Variants in BLNK observed in about 807,000 individuals in gnomAD.
BLNK encodes the protein B-cell linker protein.
Under a neutral mutation model 73.5 loss-of-function variants are expected in BLNK, and 29 were observed. The ratio of observed to expected loss-of-function variants is 0.39; its 90% CI spans 0.29 to 0.54. The LOEUF (loss-of-function observed/expected upper bound fraction) is 0.54. BLNK is among the 20% of genes least tolerant of loss of function. BLNK has a pLI of 0.61. For missense variants in BLNK, 460 were observed against 562.8 expected, an observed-to-expected ratio of 0.82 and a Z score of 1.85; for synonymous variants, 176 against 200.8, an observed-to-expected ratio of 0.88 and a Z score of 1.04.
chr10:96,271,358 T>C lies in BLNK; in HGVS notation c.41A>G (p.Lys14Arg). ...LNKITVPASQ[K>R]LRQLQKMVHD... ...TGGGTGGGGAAAATCTTACCTCAAC[T>C]TCTGACTGGCGGGGACGGTTATTTT... The change falls in exon 1 of 17, where the codon AAG becomes AGG. Residue 14 changes from lysine to arginine, a missense_variant. Lys to Arg is a conservative substitution (Grantham distance 26). Coordinates refer to ENST00000224337, the MANE Select transcript of BLNK (RefSeq NM_013314.4). 1 of 1,614,170 alleles carries C rather than the reference T, an allele frequency of 6.2e-7. No homozygotes were observed. Among genetic ancestry groups the C allele is most frequent in the Non-Finnish European group, 8.5e-7 (1 of 1,180,000 alleles).
intron 1 of BLNK, 43 bp downstream of exon 1, chr10:96,271,309 A>G (rs782660476): frequency 4.7e-5 from 76 of 1,603,142 alleles, no homozygotes; most frequent in African/African-American, 2.4e-4. Flanking sequence ...ACTGGGGGGA[A>G]AAAAAGGAGA....
At chr10:96,264,484 G>C (rs1554913754) in intron 1 of BLNK, among the ~76,000 whole-genome samples, 2 of 152,074 alleles carry the variant, frequency 1.3e-5, no homozygotes, top group African/African-American at 2.4e-5. Context: ...CAGGACCCTG[G>C]GTCCTTCACA....
At chr10:96,215,496 AC>A in intron 7 of BLNK, 107 bp from the exon 8 acceptor site, 1 of 1,057,632 alleles carries the variant, frequency 9.5e-7, no homozygotes, top group Non-Finnish European at 1.4e-6. Flanking sequence ...TGATGACCAG[AC>A]CAGAGAATTT....
chr10:96,217,358 C>G (rs1457567254), intron 6 of BLNK, among the ~76,000 whole-genome samples: 3 of 152,156 alleles, frequency 2.0e-5, no homozygotes, highest in African/African-American at 7.2e-5. Context: ...TATGGTAGCT[C>G]TAAGTTTAAC....
At chr10:96,208,337 G>A (rs1271747845) in intron 9 of BLNK, among the ~76,000 whole-genome samples, 1 of 152,164 alleles carries the variant, frequency 6.6e-6, no homozygotes, top group African/African-American at 2.4e-5. Flanking sequence ...GTAGAGGTAA[G>A]AGGGTGGTCC....
At chr10:96,241,668 G>A (rs1237451456) in intron 3 of BLNK, among the ~76,000 whole-genome samples, 2 of 151,880 alleles carry the variant, frequency 1.3e-5, no homozygotes, top group South Asian at 2.1e-4. Flanking sequence ...CATTAGTGCT[G>A]CTGTGGAATT....
intron 3 of BLNK, 37 bp from the exon 4 acceptor site, chr10:96,230,871 G>A: frequency 6.2e-7 from 1 of 1,605,408 alleles, no homozygotes; most frequent in Non-Finnish European, 8.5e-7. Context: ...GCACAAGTGT[G>A]AGCCTCAGCT....
intron 1 of BLNK, among the ~76,000 whole-genome samples, chr10:96,262,841 T>A (rs531944564): frequency 4.6e-5 from 7 of 152,370 alleles, no homozygotes; most frequent in South Asian, 4.1e-4. Context: ...ACTGCTTTTT[T>A]AATTTTAAAA....
intron 1 of BLNK, among the ~76,000 whole-genome samples, chr10:96,261,222 T>A (rs1554912739): frequency 6.6e-6 from 1 of 152,216 alleles, no homozygotes; most frequent in Non-Finnish European, 1.5e-5. Context: ...TATAGGAAAT[T>A]GTTTAATTAT....
chr10:96,199,697 G>T (rs1466294525), intron 15 of BLNK, among the ~76,000 whole-genome samples: 1 of 152,160 alleles, frequency 6.6e-6, no homozygotes, highest in East Asian at 1.9e-4. Context: ...GTCTATTACA[G>T]GCTGAGGGCA....
At chr10:96,237,501 G>A (rs72811034) in intron 3 of BLNK, among the ~76,000 whole-genome samples, 29,612 of 152,098 alleles carry the variant, frequency 0.19, 3,641 homozygotes, top group Non-Finnish European at 0.28. Flanking sequence ...GCCCAAGAGT[G>A]CAAGAGAGGG....
intron 1 of BLNK, among the ~76,000 whole-genome samples, chr10:96,257,268 G>A (rs2134124742): frequency 6.6e-6 from 1 of 152,310 alleles, no homozygotes; most frequent in East Asian, 1.9e-4. Flanking sequence ...GCTTCCTGCT[G>A]GAAGCCCTTG....
intron 1 of BLNK, among the ~76,000 whole-genome samples, chr10:96,253,753 C>T (rs575153049): frequency 2.6e-5 from 4 of 152,052 alleles, no homozygotes; most frequent in Admixed American, 6.5e-5. Context: ...CGATGGCTCA[C>T]GCCTGTAATC....
Position 96,197,081 on chromosome 10 carries a change from A to G in BLNK, c.1096-18T>C. The G allele has an allele frequency of 6.3e-7, 1 of 1,599,946 alleles. No individual in the cohort carries two copies. Among genetic ancestry groups the G allele is most frequent in the Non-Finnish European group, 8.5e-7 (1 of 1,171,984 alleles). On this transcript the variant is annotated intron_variant, in intron 15 of 16. Transcript: ENST00000224337. ...GATCCATCCTGTTTAATTTTTTTTA[A>G]AAAACATAATTATGGTTAGTATTAC...
At position 96,215,325 on chromosome 10, in the gene BLNK, A is replaced by T; in HGVS notation, c.672T>A (p.Ala224=). Residue 224 remains alanine (A), a synonymous_variant, in exon 8 of 17, where the codon GCT becomes GCA. Transcript: ENST00000224337. Reference sequence around the variant, plus strand: ...CAAATCACACATACACTTTACCTGAAGCTGTTCCTGGAGGAGAGGCGGGCG... The same window carrying T: ...CAAATCACACATACACTTTACCTGATGCTGTTCCTGGAGGAGAGGCGGGCG... ...SSTPASPPGT[A]SGRNSGAWET... The T allele has an allele frequency of 6.2e-7, 1 of 1,614,010 alleles. No individual in the cohort carries two copies. The highest frequency in any genetic ancestry group is 8.5e-7 in the Non-Finnish European group (1 of 1,179,912).
At chr10:96,248,545 C>T (rs12246220) in intron 1 of BLNK, among the ~76,000 whole-genome samples, 3,152 of 152,226 alleles carry the variant, frequency 0.021, 94 homozygotes, top group African/African-American at 0.063. Context: ...AGATTTAAAA[C>T]GTCCATGACT....
chr10:96,255,657 G>A (rs10882763), intron 1 of BLNK, among the ~76,000 whole-genome samples: 118 of 152,056 alleles, frequency 7.8e-4, no homozygotes, highest in African/African-American at 2.7e-3. Flanking sequence ...TTCATCCCCC[G>A]CATCTTAACC....
At position 96,269,890 on chromosome 10, in the gene BLNK, C is replaced by T. The variant is rs74863961; in HGVS notation, c.47+1462G>A. Among the ~76,000 whole-genome samples, 3 of 152,288 alleles carry T rather than the reference C, an allele frequency of 2.0e-5. No homozygotes were observed. In the East Asian group the frequency reaches 5.8e-4, roughly 29 times the overall value. ...GTGACAGCCTCTGTATTTCCTCCCT[C>T]CCAGCACATAACATGTTTCCTCCAA... On this transcript the variant is annotated intron_variant, in intron 1 of 16. Transcript: ENST00000224337.
rs140639724 is a variant in BLNK, at chr10:96,209,036, C to T, written c.746+802G>A. On this transcript the variant is annotated intron_variant, in intron 9 of 16. Coordinates refer to ENST00000224337, the MANE Select transcript of BLNK (RefSeq NM_013314.4). ...AACCTGTTGAGCCAACATAATTTTA[C>T]GGGGTGACGTTTGTAATATTAACAC... Among the ~76,000 whole-genome samples the T allele has an allele frequency of 4.6e-5, 7 of 152,286 alleles. No homozygotes were observed. The East Asian group carries it at 7.7e-4, about 17-fold the overall frequency.
Sources: gnomAD v4.1 joint callset for allele counts (sites outside exome capture counted in the v4.1 genomes callset) on GRCh38, gnomAD v4.1.1 for gene constraint, MANE v1.5 for transcripts, NCBI Gene and HGNC (gene_info 2026-07-23, HGNC 2026-07-21) for gene names.